Variants in UMAD1 observed in about 807,000 individuals in gnomAD.
UMAD1 encodes UBAP1-MVB12-associated (UMA) domain containing 1, also known as UBAP1-MVB12-associated (UMA)-domain containing protein 1.
In UMAD1, 8 loss-of-function variants were observed where a neutral mutation model predicts 6.1. The observed-to-expected ratio is 1.30, with a 90% CI of 0.76 to 2.35. The LOEUF is 2.35. UMAD1 is among the 30% of genes most tolerant of loss of function. The probability of loss-of-function intolerance (pLI) is 0.00; values close to 1 mark genes in which losing one functional copy is unlikely to be tolerated. For synonymous variants in UMAD1, 56 were observed against 31.4 expected (o/e 1.78, Z -2.61); for missense variants, 130 against 78.4 (o/e 1.66, Z -2.49).
chr7:7,700,490 C>T (rs10227168), intron 2 of UMAD1, among the ~76,000 whole-genome samples: 48,385 of 151,920 alleles, frequency 0.32, 7,861 homozygotes, highest in South Asian at 0.37. Context: ...TGTGGGAGGC[C>T]AATGTGGGAA....
rs71014709 is a variant in UMAD1 at position 7,760,412 on chromosome 7, A to AAATAATAAT, written c.83-41224_83-41216dup. ...TCTACTAAAAATACAAAAAAATACA[A>AAATAATAAT]AATAATAATAATAATAATAATAATA... On this transcript the variant is annotated intron_variant, in intron 2 of 3. Transcript: ENST00000682710. 3.8e-3 allele frequency among the ~76,000 whole-genome samples: 540 copies of AAATAATAAT among 142,690 alleles called. 1 individual carries two copies. The highest frequency in any genetic ancestry group is 8.0e-3 in the South Asian group (36 of 4,512). 93.6% of individuals were successfully genotyped at this position (142,690 alleles called of 152,430 possible). A position where few individuals can be genotyped will look rare whatever the true frequency, so the allele number is the denominator to read the frequency against.
intron 2 of UMAD1, among the ~76,000 whole-genome samples, chr7:7,761,849 CT>C (rs1781895911): frequency 6.6e-6 from 1 of 152,186 alleles, no homozygotes; most frequent in Non-Finnish European, 1.5e-5. Flanking sequence ...CCATACACCC[CT>C]CTCTTCTGTA....
chr7:7,765,124 A>T (rs1781959717), intron 2 of UMAD1, among the ~76,000 whole-genome samples: 1 of 152,038 alleles, frequency 6.6e-6, no homozygotes. Context: ...ACAAATATAT[A>T]GCTTTCTACT....
At chr7:7,772,025 T>C (rs985164130) in intron 2 of UMAD1, among the ~76,000 whole-genome samples, 1 of 152,110 alleles carries the variant, frequency 6.6e-6, no homozygotes, top group African/African-American at 2.4e-5. Context: ...CATTTTGAAA[T>C]TGACAAGTGT....
In UMAD1 at chr7:7,654,424, C is replaced by G. The variant is rs147356371; in HGVS notation, c.-64+13603C>G. 3.5e-3 allele frequency among the ~76,000 whole-genome samples: 527 copies of G among 152,312 alleles called. 4 individuals are homozygous for G. Among genetic ancestry groups the G allele is most frequent in the African/African-American group, 0.012 (499 of 41,566 alleles). On this transcript the variant is annotated intron_variant, in intron 1 of 3. Coordinates refer to ENST00000682710, the MANE Select transcript of UMAD1 (RefSeq NM_001302348.2). ...GATATGGGAAGTGATTCTGTAGAGA[C>G]AGTACAGTTATCCTTCGGTATCCCT...
At chr7:7,674,932 C>A (rs1213551944) in intron 2 of UMAD1, among the ~76,000 whole-genome samples, 2 of 152,092 alleles carry the variant, frequency 1.3e-5, no homozygotes, top group Admixed American at 6.5e-5. Context: ...GTTATATATT[C>A]CTGATTTTAA....
chr7:7,757,571 C>G (rs1781801853), intron 2 of UMAD1, among the ~76,000 whole-genome samples: 1 of 152,066 alleles, frequency 6.6e-6, no homozygotes, highest in Non-Finnish European at 1.5e-5. Flanking sequence ...AATGAGGTAA[C>G]TTTTTTGAAG....
At chr7:7,693,508 G>A (rs1053468837) in intron 2 of UMAD1, among the ~76,000 whole-genome samples, 2 of 152,054 alleles carry the variant, frequency 1.3e-5, no homozygotes, top group East Asian at 1.9e-4. Context: ...TGTTTTCCTG[G>A]ATGTCGATAG....
At chr7:7,719,239 T>G (rs1307566696) in intron 2 of UMAD1, among the ~76,000 whole-genome samples, 1 of 152,232 alleles carries the variant, frequency 6.6e-6, no homozygotes, top group African/African-American at 2.4e-5. Flanking sequence ...TGTGTGATTT[T>G]GAAATCTCTT....
intron 2 of UMAD1, among the ~76,000 whole-genome samples, chr7:7,726,880 G>A (rs1781148562): frequency 6.6e-6 from 1 of 152,170 alleles, no homozygotes; most frequent in African/African-American, 2.4e-5. Flanking sequence ...GATGAAATCA[G>A]CCTAATACTT....
At position 7,832,880 on chromosome 7, in the gene UMAD1, A is replaced by G. The variant is rs990502456; in HGVS notation, c.156+31137A>G. On this transcript the variant is annotated intron_variant, in intron 3 of 3. Transcript: ENST00000682710. ...GAAACATCAGGAGAAGCTTCTTCGT[A>G]GTTGCATTTGAGATAGGACCTAATG... Among the ~76,000 whole-genome samples the G allele has an allele frequency of 3.3e-5, 5 of 152,136 alleles. No individual in the cohort carries two copies. The East Asian group carries it at 9.6e-4, about 29-fold the overall frequency.
At chr7:7,815,809 T>C (rs1040230061) in intron 3 of UMAD1, among the ~76,000 whole-genome samples, 4 of 152,284 alleles carry the variant, frequency 2.6e-5, no homozygotes, top group African/African-American at 9.6e-5. Context: ...ATCAGGATTC[T>C]ATTAAAGATG....
chr7:7,704,233 CCTTT>C (rs1780538580), intron 2 of UMAD1, among the ~76,000 whole-genome samples: 1 of 152,044 alleles, frequency 6.6e-6, no homozygotes, highest in African/African-American at 2.4e-5. Context: ...CTTTTTACTA[CCTTT>C]CTTTTTGTTT....
chr7:7,733,608 T>A (rs957535380), intron 2 of UMAD1, among the ~76,000 whole-genome samples: 3 of 147,542 alleles, frequency 2.0e-5, no homozygotes, highest in African/African-American at 5.0e-5. Context: ...CACCAGACAT[T>A]GTACAGAATT....
chr7:7,791,541 C>A (rs1457315829), intron 2 of UMAD1, among the ~76,000 whole-genome samples: 2 of 152,192 alleles, frequency 1.3e-5, no homozygotes, highest in Non-Finnish European at 2.9e-5. Flanking sequence ...TTCTAGTCTT[C>A]CAGCCTGGAA....
intron 3 of UMAD1, among the ~76,000 whole-genome samples, chr7:7,849,086 T>C (rs746424369): frequency 6.6e-6 from 1 of 152,184 alleles, no homozygotes; most frequent in African/African-American, 2.4e-5. Context: ...TCAAATTTCA[T>C]TGTAGAGAGT....
intron 1 of UMAD1, among the ~76,000 whole-genome samples, chr7:7,659,983 T>A (rs1785434722): frequency 6.6e-6 from 1 of 152,212 alleles, no homozygotes; most frequent in Non-Finnish European, 1.5e-5. Context: ...ATCTGGGTGA[T>A]CCTGTATTGG....
chr7:7,795,420 AAGG>A (rs1251173166), intron 2 of UMAD1, among the ~76,000 whole-genome samples: 1 of 152,152 alleles, frequency 6.6e-6, no homozygotes, highest in East Asian at 1.9e-4. Context: ...AGAGAGAGGG[AAGG>A]AGAAGTTACT....
intron 3 of UMAD1, among the ~76,000 whole-genome samples, chr7:7,815,561 A>C (rs914659337): frequency 2.6e-5 from 4 of 152,228 alleles, no homozygotes; most frequent in African/African-American, 7.2e-5. Context: ...TTAAGACCAA[A>C]GTCCTATAGT....
Sources: gnomAD v4.1 joint callset for allele counts (sites outside exome capture counted in the v4.1 genomes callset) on GRCh38, gnomAD v4.1.1 for gene constraint, MANE v1.5 for transcripts, NCBI Gene and HGNC (gene_info 2026-07-23, HGNC 2026-07-21) for gene names.